FCGR2B: variants seen among roughly 807,000 people sequenced by gnomAD.
The protein encoded by FCGR2B is Fc gamma receptor IIb.
Under a neutral mutation model 24.8 loss-of-function variants are expected in FCGR2B, and 18 were observed. That is an observed-to-expected ratio of 0.73 (90% confidence interval 0.50 to 1.08). FCGR2B has a LOEUF of 1.08. FCGR2B is among the 50% of genes least tolerant of loss of function. The pLI, the probability that FCGR2B is intolerant of heterozygous loss-of-function variation, is 0.00. For synonymous variants in FCGR2B, 79 were observed against 109.8 expected, an observed-to-expected ratio of 0.72 and a Z score of 1.75; for missense variants, 215 against 297.6, an observed-to-expected ratio of 0.72 and a Z score of 2.04.
chr1:161,651,309 ACTT>A, the FCGR2B span, among the ~76,000 whole-genome samples: 2 of 66,730 alleles, frequency 3.0e-5, no homozygotes, highest in East Asian at 3.1e-4. Context: ...AAGAAAAATG[ACTT>A]CTTCTGCCAA....
intron 3 of FCGR2B, chr1:161,672,706 A>T (rs371529014): frequency 1.0e-4 from 57 of 556,010 alleles, no homozygotes; most frequent in African/African-American, 8.9e-4. Context: ...AGATGAGTGT[A>T]TCCTGAACAC....
At chr1:161,677,155 G>A in intron 6 of FCGR2B, 173 bp from the exon 7 acceptor site, 2 of 677,246 alleles carry the variant, frequency 3.0e-6, no homozygotes, top group South Asian at 1.7e-5. Context: ...GCTACCCTAT[G>A]CATCGATCAA....
upstream of FCGR2B, among the ~76,000 whole-genome samples, chr1:161,661,383 T>C (rs1674789): frequency 0.81 from 94,931 of 116,860 alleles, 39,707 homozygotes; most frequent in East Asian, 0.88. Context: ...AGCACATAAT[T>C]GACTATTCCC....
chr1:161,673,027 C>A lies in FCGR2B; in HGVS notation c.444C>A (p.Ile148=). 1.9e-6 allele frequency: 3 copies of A among 1,612,444 alleles called. No individual in the cohort carries two copies. The highest frequency in any genetic ancestry group is 2.5e-6 in the Non-Finnish European group (3 of 1,179,320). ...TGGAGTTCCAGGAGGGAGAAACCAT[C>A]GTGCTGAGGTGCCACAGCTGGAAGG... ...PHLEFQEGET[I]VLRCHSWKDK... The change falls in exon 4 of 8, where the codon ATC becomes ATA. Residue 148 remains isoleucine, a synonymous_variant. Coordinates refer to ENST00000358671, the MANE Select transcript of FCGR2B (RefSeq NM_001394477.1).
At chr1:161,650,074 C>T in the FCGR2B span, among the ~76,000 whole-genome samples, 4 of 150,380 alleles carry the variant, frequency 2.7e-5, no homozygotes, top group Admixed American at 2.7e-4. Context: ...GTGGCATGAT[C>T]TCTGTTCACT....
chr1:161,672,591 C>T (rs1681765230), intron 3 of FCGR2B: 4 of 324,276 alleles, frequency 1.2e-5, no homozygotes, highest in Non-Finnish European at 1.7e-5. Flanking sequence ...ATTCTTCCTT[C>T]CCTCCTCGAC....
upstream of FCGR2B, among the ~76,000 whole-genome samples, chr1:161,660,858 A>C (rs1468959083): frequency 2.9e-5 from 1 of 35,008 alleles, no homozygotes; most frequent in East Asian, 8.3e-4. Flanking sequence ...GTTCAAGACC[A>C]GGCTGTCCAA....
chr1:161,671,400 C>T lies in FCGR2B; in HGVS notation c.142C>T (p.Pro48Ser), dbSNP rs373934912. The T allele has an allele frequency of 1.9e-6, 3 of 1,614,180 alleles. No homozygotes were observed. The highest frequency in any genetic ancestry group is 2.7e-5 in the African/African-American group (2 of 75,024). The change falls in exon 3 of 8, where the codon CCA (proline) becomes TCA (serine). Residue 48 changes from proline (P) to serine (S), a missense_variant. Around this residue, in one of 5 missense-constraint regions of FCGR2B, gnomAD observed 77 missense variants for 68.8 expected, o/e 1.12. Coordinates refer to ENST00000358671, the MANE Select transcript of FCGR2B (RefSeq NM_001394477.1). ...APVAGTPAAP[P>S]KAVLKLEPQW... The stretch of plus-strand genomic sequence containing the variant: ...CTCTCTCTGCCCCTCAGCAGCTCCC[C>T]CAAAGGCTGTGCTGAAACTCGAGCC...
upstream of FCGR2B, among the ~76,000 whole-genome samples, chr1:161,660,934 C>T (rs370052623): frequency 1.3e-5 from 1 of 76,318 alleles, no homozygotes; most frequent in Non-Finnish European, 2.5e-5. Flanking sequence ...ATTAGCAGGG[C>T]GTGGTGGCAG....
At chr1:161,676,554 C>G (rs977581287) in intron 6 of FCGR2B, 2 of 166,850 alleles carry the variant, frequency 1.2e-5, no homozygotes, top group South Asian at 2.0e-4. Flanking sequence ...TGCTGGGATT[C>G]TTGGGAAATG....
chr1:161,652,832 T>C, the FCGR2B span, among the ~76,000 whole-genome samples: 3 of 134,688 alleles, frequency 2.2e-5, no homozygotes, highest in Non-Finnish European at 5.0e-5. Context: ...GTTTTATTAT[T>C]GCCATAGTTA....
At chr1:161,653,571 G>A in the FCGR2B span, among the ~76,000 whole-genome samples, 1 of 145,086 alleles carries the variant, frequency 6.9e-6, no homozygotes, top group East Asian at 1.9e-4. Flanking sequence ...TAAACTTTGA[G>A]TCAAGGGAAA....
At chr1:161,673,518 C>T (rs752988681) in intron 4 of FCGR2B, 6 of 727,694 alleles carry the variant, frequency 8.2e-6, no homozygotes, top group African/African-American at 1.7e-5. Context: ...GCAGAGGTTC[C>T]CTAAGCTCCT....
the FCGR2B span, among the ~76,000 whole-genome samples, chr1:161,651,673 C>T: frequency 8.3e-6 from 1 of 120,966 alleles, no homozygotes; most frequent in African/African-American, 2.7e-5. Flanking sequence ...CAGTGGCTCA[C>T]ACCTGTAATC....
chr1:161,661,169 A>C (rs149136594), upstream of FCGR2B, among the ~76,000 whole-genome samples: 1 of 111,384 alleles, frequency 9.0e-6, no homozygotes, highest in East Asian at 2.6e-4. Flanking sequence ...AAAGAAAGAA[A>C]GAAGGAAGGA....
intron 3 of FCGR2B, chr1:161,671,922 C>T (rs1302917178): frequency 1.7e-6 from 1 of 580,158 alleles, no homozygotes; most frequent in Non-Finnish European, 3.0e-6. Context: ...AATTGAAAAG[C>T]ACAGACCACA....
chr1:161,675,369 A>G (rs1283077197), intron 6 of FCGR2B, 56 bp downstream of exon 6: 8 of 1,317,352 alleles, frequency 6.1e-6, no homozygotes. Context: ...TGCCGGCTGG[A>G]CTGGAGCCAG....
chr1:161,673,261 G>A (rs2102668911), intron 4 of FCGR2B, 32 bp downstream of exon 4: 8 of 1,572,614 alleles, frequency 5.1e-6, no homozygotes, highest in East Asian at 4.5e-5. Flanking sequence ...GTAAGGAGGG[G>A]AGAAGAGGGG....
upstream of FCGR2B, among the ~76,000 whole-genome samples, chr1:161,661,908 G>A (rs10917634): frequency 1.7e-3 from 164 of 95,270 alleles, 3 homozygotes; most frequent in African/African-American, 7.7e-3. Context: ...AGGTTTTACA[G>A]TGTCATTTCC....
Sources: gnomAD v4.1 joint callset for allele counts (sites outside exome capture counted in the v4.1 genomes callset) on GRCh38, gnomAD v4.1.1 for gene constraint, gnomAD v4.1.1 regional missense constraint, MANE v1.5 for transcripts, NCBI Gene and HGNC (gene_info 2026-07-23, HGNC 2026-07-21) for gene names.